The following ME2 variants were observed in gnomAD, a reference collection of about 807,000 sequenced individuals.
The protein encoded by ME2 is NAD-dependent malic enzyme, mitochondrial.
Under a neutral mutation model 73.7 loss-of-function variants are expected in ME2, and 60 were observed. The observed-to-expected ratio is 0.81, with a 90% CI of 0.66 to 1.01. The LOEUF (loss-of-function observed/expected upper bound fraction) is 1.01, where lower values mean the gene tolerates loss of function less well. Ranked by LOEUF, ME2 falls within the 50% of genes least tolerant of loss-of-function variation. The pLI is 0.00. For synonymous variants in ME2, 199 were observed against 236.9 expected (o/e 0.84, Z 1.47); for missense variants, 594 against 705.5 (o/e 0.84, Z 1.79).
intron 13 of ME2, chr18:50,935,586 T>TA (rs71171365): frequency 0.5 from 69,996 of 139,676 alleles, 17,642 homozygotes; most frequent in South Asian, 0.67. Context: ...TCTATAAAAT[T>TA]AAAAAAAAAA....
At chr18:50,939,803 T>G in intron 14 of ME2, 163 bp downstream of exon 14, 2 of 561,642 alleles carry the variant, frequency 3.6e-6, no homozygotes, top group East Asian at 2.9e-5. Flanking sequence ...TAAAATTAAT[T>G]TTTTTAATCA....
intron 7 of ME2, among the ~76,000 whole-genome samples, chr18:50,919,503 T>G (rs1421734300): frequency 1.3e-5 from 2 of 152,204 alleles, no homozygotes; most frequent in African/African-American, 4.8e-5. Flanking sequence ...CCTTCTTAGT[T>G]ACCCCATTAC....
At chr18:50,939,109 T>C (rs1445257215) in intron 13 of ME2, 1 of 70,900 alleles carries the variant, frequency 1.4e-5, no homozygotes, top group African/African-American at 6.0e-5. Context: ...AAATGCAAGA[T>C]CAGCACAATA....
chr18:50,902,281 T>G (rs2065172670), intron 2 of ME2, among the ~76,000 whole-genome samples: 2 of 152,242 alleles, frequency 1.3e-5, no homozygotes, highest in South Asian at 4.1e-4. Context: ...TTTGTTAATT[T>G]ATTTGTTTAT....
In ME2 at chr18:50,932,373, A is replaced by G; in HGVS notation, c.1417+13A>G. The G allele has an allele frequency of 6.3e-7, 1 of 1,584,348 alleles. No individual in the cohort carries two copies. Among genetic ancestry groups the G allele is most frequent in the Non-Finnish European group, 8.7e-7 (1 of 1,153,818 alleles). ...TATATTTTTCCAGGTAAATGCCACC[A>G]TTATTTATGTTATAGAGCAATAGTT... is the stretch of plus-strand genomic sequence containing the variant. On this transcript the variant is annotated intron_variant, in intron 13 of 15. Transcript: ENST00000321341.
intron 1 of ME2, among the ~76,000 whole-genome samples, chr18:50,881,488 G>A (rs1312821363): frequency 2.0e-5 from 3 of 152,068 alleles, no homozygotes; most frequent in Admixed American, 1.3e-4. Flanking sequence ...TGAAAGTTAC[G>A]ATTTTGATTT....
In ME2 at chr18:50,913,196, A is replaced by G. The variant is rs544202862; in HGVS notation, c.392+246A>G. ...ATTGTGATTGTTAGAGGAATTACAT[A>G]CATACTTCTGGAACCTGCTCCCCCA... is the stretch of plus-strand genomic sequence containing the variant. On this transcript the variant is annotated intron_variant, in intron 4 of 15. Coordinates refer to ENST00000321341, the MANE Select transcript of ME2 (RefSeq NM_002396.5). The G allele has an allele frequency of 1.1e-5, 3 of 280,532 alleles. No individual in the cohort carries two copies. The East Asian group carries it at 1.9e-4, about 18-fold the overall frequency. 17.4% of individuals were successfully genotyped at this position (280,532 alleles called of 1,614,324 possible).
chr18:50,934,567 G>A (rs1428840490), intron 13 of ME2: 1 of 152,158 alleles, frequency 6.6e-6, no homozygotes, highest in African/African-American at 2.4e-5. Context: ...AGGATCGCAT[G>A]AGCCTGGGAG....
In ME2 at chr18:50,951,320, T is replaced by C. The variant is rs1174386271; in HGVS notation, c.*4136T>C. The C allele has an allele frequency of 6.6e-6, 1 of 152,178 alleles. No individual in the cohort carries two copies. 9.4% of individuals were successfully genotyped at this position (152,178 alleles called of 1,614,324 possible). On this transcript the variant is annotated 3_prime_UTR_variant, in exon 16 of 16. Transcript: ENST00000321341. ...TTAAGGAGTATGAAGCATTATTTAC[T>C]GGCTCTCAGATAACAGAAAACCCAA... is the stretch of plus-strand genomic sequence containing the variant.
At chr18:50,886,549 C>A (rs185604073) in intron 1 of ME2, among the ~76,000 whole-genome samples, 43 of 152,104 alleles carry the variant, frequency 2.8e-4, no homozygotes, top group Non-Finnish European at 4.6e-4. Context: ...TGGCCAAGTT[C>A]TTTTTCTTGG....
At chr18:50,922,661 G>A (rs762171713) in intron 10 of ME2, among the ~76,000 whole-genome samples, 13 of 152,216 alleles carry the variant, frequency 8.5e-5, no homozygotes, top group Non-Finnish European at 1.3e-4. Context: ...TTAGCACAAA[G>A]TGAGAACCCT....
chr18:50,938,062 T>G (rs1917857276), intron 13 of ME2, among the ~76,000 whole-genome samples: 1 of 152,206 alleles, frequency 6.6e-6, no homozygotes, highest in Non-Finnish European at 1.5e-5. Context: ...GCACAGTGGC[T>G]CATGCCTGTA....
chr18:50,943,510 C>T (rs769787435), intron 15 of ME2, among the ~76,000 whole-genome samples: 3 of 151,974 alleles, frequency 2.0e-5, no homozygotes, highest in Non-Finnish European at 2.9e-5. Context: ...TGCATTGTTG[C>T]CCAGACTGGT....
In ME2 at chr18:50,950,345, A is replaced by T. The variant is rs555167674; in HGVS notation, c.*3161A>T. 1 of 152,010 alleles carries T rather than the reference A, an allele frequency of 6.6e-6. No individual in the cohort carries two copies. Among genetic ancestry groups the T allele is most frequent in the African/African-American group, 2.4e-5 (1 of 41,432 alleles). The allele number at this position is 152,010 out of a possible 1,614,324, so 9.4% of individuals were successfully genotyped here. A position where few individuals can be genotyped will look rare whatever the true frequency, so the allele number is the denominator to read the frequency against. ...CCCTGGCTGGTGTCTCTTCAGGAGG[A>T]CCCCTGACACACCGATTCTGCCCTC... is the stretch of plus-strand genomic sequence containing the variant. On this transcript the variant is annotated 3_prime_UTR_variant, in exon 16 of 16. Coordinates refer to ENST00000321341, the MANE Select transcript of ME2 (RefSeq NM_002396.5).
In ME2 at chr18:50,950,876, C is replaced by G. The variant is rs892108029; in HGVS notation, c.*3692C>G. ...TGCTGAGAGGCATTGCTCCAGGATA[C>G]TGCATGTAGTGAGCAGTTCTTTAGC... On this transcript the variant is annotated 3_prime_UTR_variant, in exon 16 of 16. Coordinates refer to ENST00000321341, the MANE Select transcript of ME2 (RefSeq NM_002396.5). 2 of 152,178 alleles carry G rather than the reference C, an allele frequency of 1.3e-5. No homozygotes were observed. Among genetic ancestry groups the G allele is most frequent in the Non-Finnish European group, 2.9e-5 (2 of 68,040 alleles). The allele number at this position is 152,178 out of a possible 1,614,324, so 9.4% of individuals were successfully genotyped here. A position where few individuals can be genotyped will look rare whatever the true frequency, so the allele number is the denominator to read the frequency against.
At chr18:50,888,090 A>G (rs554611804) in intron 1 of ME2, among the ~76,000 whole-genome samples, 2 of 152,306 alleles carry the variant, frequency 1.3e-5, no homozygotes, top group East Asian at 1.9e-4. Context: ...GCCTGTAATC[A>G]TAACACTTTG....
chr18:50,884,821 A>G (rs1249902355), intron 1 of ME2, among the ~76,000 whole-genome samples: 2 of 139,378 alleles, frequency 1.4e-5, no homozygotes, highest in East Asian at 4.2e-4. Context: ...TGCAGTACTA[A>G]TCACCAAAGT....
intron 3 of ME2, among the ~76,000 whole-genome samples, chr18:50,912,047 A>G (rs928586430): frequency 1.3e-5 from 2 of 152,150 alleles, no homozygotes; most frequent in Non-Finnish European, 2.9e-5. Context: ...TTGGTGATTT[A>G]TAGGATTGGT....
chr18:50,920,373 A>G, intron 7 of ME2, 83 bp from the exon 8 acceptor site: 1 of 944,736 alleles, frequency 1.1e-6, no homozygotes, highest in South Asian at 1.6e-5. Context: ...TTATTTTTGA[A>G]TGCTATCATA....
Sources: allele counts gnomAD v4.1 joint callset (sites outside exome capture counted in the v4.1 genomes callset), GRCh38; gene constraint gnomAD v4.1.1; transcripts MANE v1.5; gene names NCBI Gene and HGNC (gene_info 2026-07-23, HGNC 2026-07-21).